Variants in UNC13C observed in about 807,000 individuals in gnomAD.
The protein encoded by UNC13C is unc-13 homolog C.
A neutral mutation model predicts 245.4 loss-of-function variants in UNC13C; 174 were observed. The observed-to-expected ratio is 0.71, with a 90% CI of 0.63 to 0.80. The LOEUF is 0.80. UNC13C is among the 30% of genes least tolerant of loss of function. The probability of loss-of-function intolerance (pLI) is 0.00; values close to 1 mark genes in which losing one functional copy is unlikely to be tolerated. For missense variants in UNC13C, 2,829 were observed against 2,602.9 expected (o/e 1.09, Z -1.89); for synonymous variants, 992 against 895.1 (o/e 1.11, Z -1.93).
In UNC13C at chr15:54,627,864, T is replaced by G. The variant is rs987481461; in HGVS notation, c.*751T>G. The stretch of plus-strand genomic sequence containing the variant: ...ATGTCTTGGCTTTACCATATTTCAT[T>G]CTTTAAAAAGTCATTAATGGTTTAG... On this transcript the variant is annotated 3_prime_UTR_variant, in exon 33 of 33. Transcript: ENST00000260323. 1.3e-5 allele frequency: 2 copies of G among 152,602 alleles called. No homozygotes were observed. The highest frequency in any genetic ancestry group is 2.9e-5 in the Non-Finnish European group (2 of 68,016). 9.5% of individuals were successfully genotyped at this position (152,602 alleles called of 1,614,324 possible).
At chr15:54,249,869 C>T (rs2036097272) in intron 7 of UNC13C, among the ~76,000 whole-genome samples, 1 of 152,016 alleles carries the variant, frequency 6.6e-6, no homozygotes, top group Admixed American at 6.6e-5. Flanking sequence ...GAAATAACGG[C>T]CTGGGTAGAA....
At chr15:54,404,814 T>G (rs970360446) in intron 18 of UNC13C, among the ~76,000 whole-genome samples, 1 of 152,196 alleles carries the variant, frequency 6.6e-6, no homozygotes, top group African/African-American at 2.4e-5. Context: ...AGTTAATGTA[T>G]GAATTGTTAG....
chr15:54,248,259 G>C (rs995019507), intron 7 of UNC13C, among the ~76,000 whole-genome samples: 29 of 151,820 alleles, frequency 1.9e-4, no homozygotes, highest in African/African-American at 7.0e-4. Flanking sequence ...TGATGCAATT[G>C]CAAGTATATA....
At chr15:54,601,907 C>T (rs1016163042) in intron 30 of UNC13C, among the ~76,000 whole-genome samples, 2 of 152,162 alleles carry the variant, frequency 1.3e-5, no homozygotes, top group African/African-American at 2.4e-5. Context: ...TGCAATCTGT[C>T]GTAGTGATTT....
chr15:54,342,247 T>C (rs2038751352), intron 17 of UNC13C, among the ~76,000 whole-genome samples: 1 of 152,212 alleles, frequency 6.6e-6, no homozygotes, highest in South Asian at 2.1e-4. Context: ...ATGGATTTCA[T>C]AGATTATTTC....
chr15:54,591,473 A>G (rs1898787526), intron 30 of UNC13C, among the ~76,000 whole-genome samples: 1 of 152,098 alleles, frequency 6.6e-6, no homozygotes, highest in Admixed American at 6.5e-5. Flanking sequence ...ACTACTTGTT[A>G]TTAGTCTGTT....
In UNC13C at chr15:54,265,495, T is replaced by C; in HGVS notation, c.3817T>C (p.Phe1273Leu). 6.5e-7 allele frequency: 1 copy of C among 1,536,286 alleles called. No homozygotes were observed. Among genetic ancestry groups the C allele is most frequent in the Non-Finnish European group, 8.8e-7 (1 of 1,137,236 alleles). Residue 1273 changes from phenylalanine to leucine, a missense_variant and splice_region_variant, in exon 10 of 33, where the codon TTT becomes CTT. Transcript: ENST00000260323. ...LNPVWDEKFY[F>L]ECHNSTDRIK... ...TCCAGTATGGGATGAGAAGTTTTAT[T>C]TGTGAGTATATAATGTGAAACCTTT...
intron 19 of UNC13C, among the ~76,000 whole-genome samples, chr15:54,462,649 G>A (rs572565580): frequency 7.2e-5 from 11 of 152,354 alleles, no homozygotes; most frequent in South Asian, 4.1e-4. Context: ...CGGCCTGCCC[G>A]CAATGCGCTT....
intron 4 of UNC13C, among the ~76,000 whole-genome samples, chr15:54,176,824 T>C (rs1303048147): frequency 6.6e-6 from 1 of 152,260 alleles, no homozygotes; most frequent in Non-Finnish European, 1.5e-5. Context: ...TGCCTTGCTC[T>C]ATGGAACAAA....
At chr15:54,487,912 C>G (rs141327322) in intron 19 of UNC13C, among the ~76,000 whole-genome samples, 102 of 151,854 alleles carry the variant, frequency 6.7e-4, no homozygotes, top group African/African-American at 2.4e-3. Context: ...TGACATATTA[C>G]GTATAGTCAT....
At chr15:53,954,205 T>C in the UNC13C span, among the ~76,000 whole-genome samples, 2 of 152,372 alleles carry the variant, frequency 1.3e-5, no homozygotes, top group South Asian at 2.1e-4. Flanking sequence ...CATCAGCTTA[T>C]TGTTTTCCTG....
At chr15:54,246,477 A>C (rs2035996236) in intron 7 of UNC13C, among the ~76,000 whole-genome samples, 1 of 151,916 alleles carries the variant, frequency 6.6e-6, no homozygotes, top group South Asian at 2.1e-4. Context: ...GAATATGGGA[A>C]GGATATGTAT....
the UNC13C span, among the ~76,000 whole-genome samples, chr15:53,896,645 A>G: frequency 6.6e-6 from 1 of 152,008 alleles, no homozygotes; most frequent in African/African-American, 2.4e-5. Context: ...GAACCAGGTC[A>G]TGTTCAGGGC....
At chr15:54,287,203 G>A (rs2140926156) in intron 10 of UNC13C, among the ~76,000 whole-genome samples, 1 of 152,214 alleles carries the variant, frequency 6.6e-6, no homozygotes, top group Non-Finnish European at 1.5e-5. Context: ...CCTCTTGTAT[G>A]TGAGGATATT....
chr15:54,281,849 A>G (rs2037005707), intron 10 of UNC13C, among the ~76,000 whole-genome samples: 1 of 152,208 alleles, frequency 6.6e-6, no homozygotes. Flanking sequence ...ACCAAAAGTG[A>G]ACTCTCATTT....
chr15:53,977,119 T>C (rs1330701464), upstream of UNC13C, among the ~76,000 whole-genome samples: 2 of 152,294 alleles, frequency 1.3e-5, no homozygotes, highest in East Asian at 3.9e-4. Flanking sequence ...CTTGAGCAGC[T>C]GCTCAGGTCC....
chr15:54,277,822 A>G (rs1359116324), intron 10 of UNC13C, among the ~76,000 whole-genome samples: 1 of 152,212 alleles, frequency 6.6e-6, no homozygotes, highest in African/African-American at 2.4e-5. Flanking sequence ...TTTGAACCCA[A>G]TCTATTTCAT....
intron 7 of UNC13C, among the ~76,000 whole-genome samples, chr15:54,243,567 A>G (rs953937541): frequency 6.6e-6 from 1 of 150,480 alleles, no homozygotes; most frequent in African/African-American, 2.5e-5. Flanking sequence ...GTCTTCTACT[A>G]TGATTGAGCT....
At chr15:54,268,848 G>A (rs1288185012) in intron 10 of UNC13C, among the ~76,000 whole-genome samples, 1 of 151,820 alleles carries the variant, frequency 6.6e-6, no homozygotes, top group East Asian at 1.9e-4. Context: ...GTTTCTTTAT[G>A]TGCATGCACT....
Sources: allele counts gnomAD v4.1 joint callset (sites outside exome capture counted in the v4.1 genomes callset), GRCh38; gene constraint gnomAD v4.1.1; transcripts MANE v1.5; gene names NCBI Gene and HGNC (gene_info 2026-07-23, HGNC 2026-07-21).